The following TBCD variants were observed in gnomAD, a reference collection of about 807,000 sequenced individuals.
TBCD encodes tubulin folding cofactor D.
TBCD carries 105 observed loss-of-function variants against 169.3 expected under a neutral mutation model. That is an observed-to-expected ratio of 0.62 (90% CI 0.53 to 0.73). The LOEUF (loss-of-function observed/expected upper bound fraction) is 0.73. TBCD is among the 30% of genes least tolerant of loss of function. The pLI is 0.00. For synonymous variants in TBCD, 700 were observed against 643.9 expected, an observed-to-expected ratio of 1.09 and a Z score of -1.32; for missense variants, 1,444 against 1,600.1, an observed-to-expected ratio of 0.90 and a Z score of 1.66.
At chr17:82,906,802 T>C (rs2060280475) in intron 20 of TBCD, among the ~76,000 whole-genome samples, 1 of 152,260 alleles carries the variant, frequency 6.6e-6, no homozygotes, top group African/African-American at 2.4e-5. Flanking sequence ...CGAGCTCAGA[T>C]GCAGAGTGCA....
rs990112487 is a variant in TBCD, at chr17:82,835,695, G to C, written c.1318+20761G>C. Among the ~76,000 whole-genome samples the C allele has an allele frequency of 2.0e-5, 3 of 152,144 alleles. No homozygotes were observed. Among genetic ancestry groups the C allele is most frequent in the Non-Finnish European group, 4.4e-5 (3 of 68,010 alleles). On this transcript the variant is annotated intron_variant, in intron 13 of 38. Coordinates refer to ENST00000355528, the MANE Select transcript of TBCD (RefSeq NM_005993.5). This position sits in a 1 kb window ranked among gnomAD's most constrained non-coding sequence, Gnocchi z 4.5. ...CCGCCTCAGCCTCCCAAAGTGCTGGGATTACAGGCATGAGCCACCGTGCCT... is the reference window on the plus strand; with the variant it reads ...CCGCCTCAGCCTCCCAAAGTGCTGGCATTACAGGCATGAGCCACCGTGCCT...
intron 13 of TBCD, chr17:82,859,520 TG>T: frequency 1.0e-6 from 1 of 984,218 alleles, no homozygotes; most frequent in Non-Finnish European, 1.2e-6. Context: ...GGGCCTTGTG[TG>T]TCCTGTTGGG....
chr17:82,763,713 C>G (rs1463678856), intron 2 of TBCD, among the ~76,000 whole-genome samples: 1 of 151,938 alleles, frequency 6.6e-6, no homozygotes, highest in Non-Finnish European at 1.5e-5. Context: ...TGCACTCCAG[C>G]CTGGGGGACA....
Position 82,927,893 on chromosome 17 carries a change from T to C in TBCD, c.2610-12T>C. Reference sequence around the variant, plus strand: ...TCAAGCTGGGTGTCTCTGCCTCTCCTTGTCCCATCAGGGTCCGCAAGGCCG... The same window carrying C: ...TCAAGCTGGGTGTCTCTGCCTCTCCCTGTCCCATCAGGGTCCGCAAGGCCG... On this transcript the variant is annotated splice_polypyrimidine_tract_variant and intron_variant, in intron 29 of 38. Transcript: ENST00000355528. The C allele has an allele frequency of 1.2e-6, 2 of 1,612,976 alleles. No homozygotes were observed. Among genetic ancestry groups the C allele is most frequent in the Non-Finnish European group, 1.7e-6 (2 of 1,179,254 alleles).
chr17:82,803,412 G>T (rs770201672), intron 9 of TBCD, among the ~76,000 whole-genome samples: 1 of 152,206 alleles, frequency 6.6e-6, no homozygotes, highest in Non-Finnish European at 1.5e-5. Flanking sequence ...TCTCTGACAG[G>T]TGCGTCTGAG....
chr17:82,898,948 T>C (rs2059678987), intron 17 of TBCD, among the ~76,000 whole-genome samples: 1 of 152,228 alleles, frequency 6.6e-6, no homozygotes, highest in Non-Finnish European at 1.5e-5. Context: ...CTCCCACCAC[T>C]TCCACGGCCA....
chr17:82,893,108 C>T (rs1567974073), intron 16 of TBCD: 1 of 171,042 alleles, frequency 5.8e-6, no homozygotes, highest in Non-Finnish European at 1.3e-5. Context: ...GCGGCTGCAT[C>T]CCCGACCTGA....
rs2050939990 is a variant in TBCD, at chr17:82,806,099, G to C, written c.1087+88G>C. On this transcript the variant is annotated intron_variant, in intron 10 of 38. Coordinates refer to ENST00000355528, the MANE Select transcript of TBCD (RefSeq NM_005993.5). This position sits in a 1 kb window ranked among gnomAD's most constrained non-coding sequence, Gnocchi z 5.1. Reference sequence around the variant, plus strand: ...CCAGGACCACACTTCCTTCTTCCTTGCTGGTGCCGGCACTGTCTGGCCACC... The same window carrying C: ...CCAGGACCACACTTCCTTCTTCCTTCCTGGTGCCGGCACTGTCTGGCCACC... 9 of 1,533,716 alleles carry C rather than the reference G, an allele frequency of 5.9e-6. No homozygotes were observed. The highest frequency in any genetic ancestry group is 7.9e-6 in the Non-Finnish European group (9 of 1,132,544).
In TBCD at chr17:82,835,635, G is replaced by T. The variant is rs997065246; in HGVS notation, c.1318+20701G>T. Among the ~76,000 whole-genome samples, 13 of 151,902 alleles carry T rather than the reference G, an allele frequency of 8.6e-5. No individual in the cohort carries two copies. The highest frequency in any genetic ancestry group is 3.1e-4 in the African/African-American group (13 of 41,312). On this transcript the variant is annotated intron_variant, in intron 13 of 38. Transcript: ENST00000355528. This position sits in a 1 kb window ranked among gnomAD's most constrained non-coding sequence, Gnocchi z 4.5. ...AGATGGGGTTTCACTATGTTGGCCC[G>T]GCTGGTCTTGAACTCCTGACCTCAG...
At chr17:82,867,298 C>T (rs1599051657) in intron 13 of TBCD, among the ~76,000 whole-genome samples, 1 of 152,308 alleles carries the variant, frequency 6.6e-6, no homozygotes, top group East Asian at 1.9e-4. Flanking sequence ...CACTGCCACT[C>T]GCGGTTGTCT....
intron 12 of TBCD, among the ~76,000 whole-genome samples, chr17:82,813,985 G>T (rs1263180029): frequency 1.3e-5 from 2 of 152,168 alleles, no homozygotes; most frequent in Non-Finnish European, 1.5e-5. Flanking sequence ...ATACAATTTA[G>T]TGGGTTTTCC....
At position 82,924,953 on chromosome 17, in the gene TBCD, C is replaced by G. The variant is rs1286145290; in HGVS notation, c.2275C>G (p.Gln759Glu). Residue 759 changes from glutamine to glutamate, a missense_variant, in exon 27 of 39, where the codon CAG (glutamine) becomes GAG (glutamate). Coordinates refer to ENST00000355528, the MANE Select transcript of TBCD (RefSeq NM_005993.5). ...CTTCCTTTCAGAGGAGCTGATCACGCAGTACCTGGCTGAGCTTCGGAACCC... is the reference window on the plus strand; with the variant it reads ...CTTCCTTTCAGAGGAGCTGATCACGGAGTACCTGGCTGAGCTTCGGAACCC... The part of the protein sequence containing the change: ...DPAIQEELIT[Q>E]YLAELRNPEE... 1 of 1,566,034 alleles carries G rather than the reference C, an allele frequency of 6.4e-7. No individual in the cohort carries two copies. Among genetic ancestry groups the G allele is most frequent in the Admixed American group, 1.9e-5 (1 of 53,394 alleles).
Position 82,884,015 on chromosome 17 carries a change from T to C in TBCD, c.1476-130T>C, listed in dbSNP as rs1444146837. On this transcript the variant is annotated intron_variant, in intron 14 of 38. Transcript: ENST00000355528. The surrounding 1 kb of genome is among the most constrained non-coding windows in gnomAD (Gnocchi z 4.2). ...CAGTCCCTGGGTGCCTCAAGCTGTG[T>C]GTTGCCTGTGGGGCATGTCTGAACC... 1.2e-6 allele frequency: 1 copy of C among 810,842 alleles called. No homozygotes were observed. Among genetic ancestry groups the C allele is most frequent in the Non-Finnish European group, 2.0e-6 (1 of 496,994 alleles). 50.2% of individuals were successfully genotyped at this position (810,842 alleles called of 1,614,324 possible).
intron 7 of TBCD, among the ~76,000 whole-genome samples, chr17:82,781,990 C>T (rs1332028706): frequency 6.6e-6 from 1 of 152,188 alleles, no homozygotes; most frequent in Non-Finnish European, 1.5e-5. Context: ...GCCGGGGCTC[C>T]CCAGGGTAGG....
intron 13 of TBCD, chr17:82,859,548 C>A (rs1839513010): frequency 3.6e-5 from 35 of 985,312 alleles, no homozygotes; most frequent in Non-Finnish European, 4.2e-5. Flanking sequence ...GACACACAAG[C>A]TGTGACTTCA....
chr17:82,939,898 G>A (rs1267997790), intron 37 of TBCD, among the ~76,000 whole-genome samples: 3 of 152,160 alleles, frequency 2.0e-5, no homozygotes, highest in East Asian at 1.9e-4. Context: ...CTCTCCCCAC[G>A]CCTCTGCTCT....
In TBCD at chr17:82,884,782, G is replaced by A. The variant is rs924398644; in HGVS notation, c.1533+580G>A. 4 of 166,414 alleles carry A rather than the reference G, an allele frequency of 2.4e-5. No individual in the cohort carries two copies. The highest frequency in any genetic ancestry group is 1.6e-4 in the South Asian group (1 of 6,350). 10.3% of individuals were successfully genotyped at this position (166,414 alleles called of 1,614,324 possible). ...GAGGAGCTGTAGCAACTGCTGCTGCGCTGAGCAGACTACTTCATTTGGCTC... is the reference window on the plus strand; with the variant it reads ...GAGGAGCTGTAGCAACTGCTGCTGCACTGAGCAGACTACTTCATTTGGCTC... On this transcript the variant is annotated intron_variant, in intron 15 of 38. Transcript: ENST00000355528. This position sits in a 1 kb window ranked among gnomAD's most constrained non-coding sequence, Gnocchi z 4.2.
chr17:82,876,528 A>G, intron 14 of TBCD, among the ~76,000 whole-genome samples: 1 of 152,224 alleles, frequency 6.6e-6, no homozygotes, highest in East Asian at 1.9e-4. Context: ...TTTAACTAGC[A>G]TCATTAAACC....
intron 19 of TBCD, among the ~76,000 whole-genome samples, chr17:82,904,735 A>G (rs2060117631): frequency 6.6e-6 from 1 of 152,078 alleles, no homozygotes; most frequent in African/African-American, 2.4e-5. Context: ...TGTGTTGAAC[A>G]TCCTGTGGGG....
Sources: allele counts gnomAD v4.1 joint callset (sites outside exome capture counted in the v4.1 genomes callset), GRCh38; gene constraint gnomAD v4.1.1; non-coding constraint Gnocchi (gnomAD v3.1); transcripts MANE v1.5; gene names NCBI Gene and HGNC (gene_info 2026-07-23, HGNC 2026-07-21).